ATP6V0D1: variants seen among roughly 807,000 people sequenced by gnomAD.
ATP6V0D1 encodes the protein ATPase H+ transporting V0 subunit d1, also known as V-type proton ATPase subunit d 1.
ATP6V0D1 carries 13 observed loss-of-function variants against 39.0 expected under a neutral mutation model. That is an observed-to-expected ratio of 0.33 (90% CI 0.22 to 0.53). The LOEUF (loss-of-function observed/expected upper bound fraction) is 0.53. Ranked by LOEUF, ATP6V0D1 falls within the 20% of genes least tolerant of loss-of-function variation. ATP6V0D1 has a pLI of 0.94. For synonymous variants in ATP6V0D1, 191 were observed against 191.2 expected (o/e 1.00, Z 0.01); for missense variants, 272 against 470.9 (o/e 0.58, Z 3.91).
intron 4 of ATP6V0D1, chr16:67,439,640 T>C: frequency 2.1e-6 from 1 of 474,620 alleles, no homozygotes; most frequent in Admixed American, 3.5e-5. Context: ...CACAGAAGGC[T>C]GGGCTCGCAG....
rs1369740917 is a variant in ATP6V0D1 at position 67,447,815 on chromosome 16, C to G, written c.303-3109G>C. On this transcript the variant is annotated intron_variant, in intron 2 of 7. Transcript: ENST00000290949. This position sits in a 1 kb window ranked among gnomAD's most constrained non-coding sequence, Gnocchi z 4.1. ...TGCTGGAACAATATGGCTTCTCAAC[C>G]CCGGGTGGCTGGTCTGGTGCTGGTG... Among the ~76,000 whole-genome samples the G allele has an allele frequency of 1.3e-5, 2 of 152,232 alleles. No individual in the cohort carries two copies. The highest frequency in any genetic ancestry group is 4.8e-5 in the African/African-American group (2 of 41,466).
At chr16:67,471,441 C>T (rs1597583519) in intron 1 of ATP6V0D1, among the ~76,000 whole-genome samples, 1 of 152,214 alleles carries the variant, frequency 6.6e-6, no homozygotes, top group Non-Finnish European at 1.5e-5. Context: ...CTACCTGCCT[C>T]AGCCTCCTAA....
At chr16:67,473,568 G>T (rs909611189) in intron 1 of ATP6V0D1, among the ~76,000 whole-genome samples, 8 of 152,166 alleles carry the variant, frequency 5.3e-5, no homozygotes, top group African/African-American at 1.7e-4. Context: ...CAGTCGCCCA[G>T]GCTGGAGTGC....
chr16:67,452,363 G>A (rs2041190990), intron 2 of ATP6V0D1: 1 of 1,535,720 alleles, frequency 6.5e-7, no homozygotes, highest in African/African-American at 1.4e-5. Flanking sequence ...ACTCCTGCCT[G>A]AGAATGGAGC....
chr16:67,444,634 G>A lies in ATP6V0D1; in HGVS notation c.375C>T (p.Leu125=), dbSNP rs747507654. The change falls in exon 3 of 8, where the codon CTC becomes CTT. Residue 125 remains leucine, a synonymous_variant. Transcript: ENST00000290949. This position sits in a 1 kb window ranked among gnomAD's most constrained non-coding sequence, Gnocchi z 4.8. ...GTLHQRSIAE[L]VPKCHPLGSF... ...TGCCTAGTGGGTGGCACTTGGGCAC[G>A]AGCTCAGCGATGGAGCGCTGGTGCA... The A allele has an allele frequency of 1.1e-5, 18 of 1,613,232 alleles. No homozygotes were observed. The highest frequency in any genetic ancestry group is 3.3e-4 in the Middle Eastern group (2 of 6,072).
intron 2 of ATP6V0D1, among the ~76,000 whole-genome samples, chr16:67,445,021 A>G (rs9922476): frequency 0.18 from 27,826 of 152,230 alleles, 6,125 homozygotes; most frequent in African/African-American, 0.53. Context: ...AACAGGACAC[A>G]GGAATGGGGC....
chr16:67,478,667 G>T (rs2142338289), intron 1 of ATP6V0D1, among the ~76,000 whole-genome samples: 1 of 127,614 alleles, frequency 7.8e-6, no homozygotes, highest in South Asian at 2.7e-4. Context: ...ATGAGCAAAG[G>T]ATACCTGAAT....
chr16:67,438,929 GACA>G, intron 6 of ATP6V0D1, 39 bp downstream of exon 6: 1 of 1,613,480 alleles, frequency 6.2e-7, no homozygotes, highest in Non-Finnish European at 8.5e-7. Flanking sequence ...GGTGCTTGGT[GACA>G]ACACATCCAA....
rs959179126 is a variant in ATP6V0D1, at chr16:67,456,027, T to C, written c.131-2312A>G. 1 of 151,718 alleles carries C rather than the reference T, an allele frequency of 6.6e-6. No individual in the cohort carries two copies. Among genetic ancestry groups the C allele is most frequent in the African/African-American group, 2.4e-5 (1 of 41,192 alleles). 9.4% of individuals were successfully genotyped at this position (151,718 alleles called of 1,614,324 possible). ...TTTTTTTTTTTCTGAGATGGAATCT[T>C]GCTCTGTTGCCCAGGCTGGAGTGCA... is the stretch of plus-strand genomic sequence containing the variant. On this transcript the variant is annotated intron_variant, in intron 1 of 7. Transcript: ENST00000290949. The surrounding 1 kb of genome is among the most constrained non-coding windows in gnomAD (Gnocchi z 4.1).
chr16:67,449,455 G>A (rs2142308294), intron 2 of ATP6V0D1, among the ~76,000 whole-genome samples: 1 of 152,346 alleles, frequency 6.6e-6, no homozygotes, highest in African/African-American at 2.4e-5. Flanking sequence ...CCACAGCAAG[G>A]TAATGACTGG....
rs987710350 is a variant in ATP6V0D1, at chr16:67,438,383, G to GCAGCCGCTAGGA, written c.*133_*144dup. On this transcript the variant is annotated 3_prime_UTR_variant, in exon 8 of 8. Coordinates refer to ENST00000290949, the MANE Select transcript of ATP6V0D1 (RefSeq NM_004691.5). ...TCTCTAAGAGGGTCAGGAGAACTGG[G>GCAGCCGCTAGGA]CAGCCGCTAGGACAGCGTACTACAC... is the stretch of plus-strand genomic sequence containing the variant. 5.7e-5 allele frequency: 56 copies of GCAGCCGCTAGGA among 980,786 alleles called. No homozygotes were observed. The highest frequency in any genetic ancestry group is 8.2e-5 in the Non-Finnish European group (55 of 669,178). 60.8% of individuals were successfully genotyped at this position (980,786 alleles called of 1,614,324 possible). A position where few individuals can be genotyped will look rare whatever the true frequency, so the allele number is the denominator to read the frequency against.
In ATP6V0D1 at chr16:67,458,421, G is replaced by T. The variant is rs2041260679; in HGVS notation, c.131-4706C>A. 3.3e-5 allele frequency among the ~76,000 whole-genome samples: 5 copies of T among 152,190 alleles called. No homozygotes were observed. The South Asian group carries it at 1.0e-3, about 31-fold the overall frequency. On this transcript the variant is annotated intron_variant, in intron 1 of 7. Transcript: ENST00000290949. ...GGCAGCCAAGGACGGCAGGGGCTCT[G>T]GGAAGCCAGGGGCTAGTTCTGCTCT...
chr16:67,468,895 T>C (rs2142329755), intron 1 of ATP6V0D1, among the ~76,000 whole-genome samples: 1 of 152,274 alleles, frequency 6.6e-6, no homozygotes, highest in East Asian at 1.9e-4. Flanking sequence ...AGAAAAAGTA[T>C]ATGTTATCAC....
intron 2 of ATP6V0D1, chr16:67,452,266 C>G: frequency 6.5e-7 from 1 of 1,535,612 alleles, no homozygotes; most frequent in South Asian, 1.2e-5. Context: ...AGCAAGGAGA[C>G]TCTCAGGAAA....
At chr16:67,443,022 A>G in intron 4 of ATP6V0D1, 77 bp downstream of exon 4, 2 of 1,498,388 alleles carry the variant, frequency 1.3e-6, no homozygotes, top group East Asian at 2.3e-5. Context: ...AGCACCTCAC[A>G]TAAATCACCA....
chr16:67,474,862 C>A (rs374858394), intron 1 of ATP6V0D1, among the ~76,000 whole-genome samples: 3 of 152,214 alleles, frequency 2.0e-5, no homozygotes, highest in East Asian at 3.8e-4. Context: ...ATGCCACCAT[C>A]ATTTCATTTT....
intron 6 of ATP6V0D1, 43 bp downstream of exon 6, chr16:67,438,928 T>C: frequency 6.2e-7 from 1 of 1,613,412 alleles, no homozygotes; most frequent in Non-Finnish European, 8.5e-7. Flanking sequence ...GGGTGCTTGG[T>C]GACAACACAT....
At chr16:67,442,410 CAG>C (rs1359057519) in intron 4 of ATP6V0D1, among the ~76,000 whole-genome samples, 1 of 151,998 alleles carries the variant, frequency 6.6e-6, no homozygotes, top group Non-Finnish European at 1.5e-5. Flanking sequence ...GCAGCCAGAG[CAG>C]AGTCTATCCC....
intron 1 of ATP6V0D1, among the ~76,000 whole-genome samples, chr16:67,458,488 C>T (rs1220647964): frequency 6.6e-6 from 1 of 152,196 alleles, no homozygotes; most frequent in East Asian, 1.9e-4. Flanking sequence ...GTGATGGCCA[C>T]TGAGAGGCCC....
Sources: gnomAD v4.1 joint callset for allele counts (sites outside exome capture counted in the v4.1 genomes callset) on GRCh38, gnomAD v4.1.1 for gene constraint, Gnocchi (gnomAD v3.1) non-coding constraint, MANE v1.5 for transcripts, NCBI Gene and HGNC (gene_info 2026-07-23, HGNC 2026-07-21) for gene names.